TAPBPL: variants seen among roughly 807,000 people sequenced by gnomAD.
TAPBPL encodes the protein tapasin-related protein.
A neutral mutation model predicts 44.8 loss-of-function variants in TAPBPL; 32 were observed. The observed-to-expected ratio is 0.71, with a 90% confidence interval of 0.54 to 0.96. The LOEUF is 0.96. Ranked by LOEUF, TAPBPL falls within the 40% of genes least tolerant of loss-of-function variation. The pLI is 0.00. For missense variants in TAPBPL, 520 were observed against 586.6 expected, an observed-to-expected ratio of 0.89 and a Z score of 1.17; for synonymous variants, 230 against 240.7, an observed-to-expected ratio of 0.96 and a Z score of 0.41.
At chr12:6,470,860 C>A (rs1945758758), downstream of TAPBPL, 2 of 467,656 alleles carry the variant, frequency 4.3e-6, no homozygotes, top group Non-Finnish European at 7.8e-6. Flanking sequence ...GGAGCGGTTG[C>A]TGTGAGGATC....
At position 6,453,847 on chromosome 12, in the gene TAPBPL, G is replaced by A. The variant is rs553740524; in HGVS notation, c.565+131G>A. On this transcript the variant is annotated intron_variant, in intron 3 of 6. Transcript: ENST00000266556. This position sits in a 1 kb window ranked among gnomAD's most constrained non-coding sequence, Gnocchi z 4.8. ...AGCCTGGTCAACACGGTGAAACCCCGTCTCTACTAATACCAAAATTAGCCG... is the reference window on the plus strand; with the variant it reads ...AGCCTGGTCAACACGGTGAAACCCCATCTCTACTAATACCAAAATTAGCCG... 3.9e-5 allele frequency: 48 copies of A among 1,222,526 alleles called. No individual in the cohort carries two copies. Among genetic ancestry groups the A allele is most frequent in the Admixed American group, 1.2e-4 (4 of 34,200 alleles). 75.7% of individuals were successfully genotyped at this position (1,222,526 alleles called of 1,614,324 possible).
Position 6,453,618 on chromosome 12 carries a change from C to T in TAPBPL, c.467C>T (p.Ser156Phe), listed in dbSNP as rs1459613885. 3 of 1,614,006 alleles carry T rather than the reference C, an allele frequency of 1.9e-6. No homozygotes were observed. Among genetic ancestry groups the T allele is most frequent in the South Asian group, 2.2e-5 (2 of 91,096 alleles). The change falls in exon 3 of 7, where the codon TCC becomes TTC. Residue 156 changes from serine to phenylalanine, a missense_variant. Transcript: ENST00000266556. This position sits in a 1 kb window ranked among gnomAD's most constrained non-coding sequence, Gnocchi z 4.8. ...GTCTCTGGAGGGGGACCTAGCATCT[C>T]CTTGGTGATGAAGACTCCCAGGGTC... Reference protein sequence around the residue: ...MQVSGGGPSISLVMKTPRVTK... With the variant: ...MQVSGGGPSIFLVMKTPRVTK...
At chr12:6,470,541 A>T, downstream of TAPBPL, 1 of 1,613,996 alleles carries the variant, frequency 6.2e-7, no homozygotes, top group Non-Finnish European at 8.5e-7. Flanking sequence ...TTTTTCTGAC[A>T]GAGAGAGTGA....
rs2286722 is a variant in TAPBPL at position 6,453,310 on chromosome 12, C to T, written c.295+13C>T. The T allele has an allele frequency of 1.1e-4, 184 of 1,613,036 alleles. 1 individual carries two copies. The East Asian group carries it at 3.6e-3, about 32-fold the overall frequency. ...TTTGAGGCCTCAGGTAAAAGCCTTC[C>T]ACCTGTGTCCTTGGTCCTCCCGGGC... is the stretch of plus-strand genomic sequence containing the variant. On this transcript the variant is annotated intron_variant, in intron 2 of 6. Coordinates refer to ENST00000266556, the MANE Select transcript of TAPBPL (RefSeq NM_018009.5). This position sits in a 1 kb window ranked among gnomAD's most constrained non-coding sequence, Gnocchi z 4.8.
chr12:6,452,291 C>CT lies in TAPBPL; in HGVS notation c.44dup (p.Ser16IlefsTer40), dbSNP rs1949568949. The CT allele has an allele frequency of 7.6e-6, 12 of 1,575,310 alleles. No individual in the cohort carries two copies. The highest frequency in any genetic ancestry group is 1.3e-5 in the African/African-American group (1 of 74,688). ...CTGGTGCCTGCTGCTCTGCCTGGCTCTATCTGGAGCAGCAGAAACCAGTGA... is the reference window on the plus strand; with the variant it reads ...CTGGTGCCTGCTGCTCTGCCTGGCTCTTATCTGGAGCAGCAGAAACCAGTGA... On this transcript the variant is annotated frameshift_variant, in exon 1 of 7. Coordinates refer to ENST00000266556, the MANE Select transcript of TAPBPL (RefSeq NM_018009.5). LOFTEE classifies it high-confidence loss of function.
downstream of TAPBPL, among the ~76,000 whole-genome samples, chr12:6,471,416 A>G (rs10492096): frequency 0.15 from 23,294 of 151,978 alleles, 2,094 homozygotes; most frequent in Non-Finnish European, 0.21. This position sits in a 1 kb window ranked among gnomAD's most constrained non-coding sequence, Gnocchi z 4.0. Flanking sequence ...AATCTGCCAA[A>G]TCGAGTTGAT....
chr12:6,461,969 A>T, intron 6 of TAPBPL, 65 bp from the exon 7 acceptor site: 1 of 1,351,262 alleles, frequency 7.4e-7, no homozygotes, highest in Non-Finnish European at 1.0e-6. Flanking sequence ...GGCCTGAGGG[A>T]ACCTGTGCTT....
downstream of TAPBPL, chr12:6,470,880 T>C: frequency 2.6e-6 from 1 of 388,730 alleles, no homozygotes; most frequent in South Asian, 3.3e-5. Flanking sequence ...CCTTCAGTGA[T>C]CAATGCGACC....
chr12:6,463,534 G>A, downstream of TAPBPL: 4 of 1,044,838 alleles, frequency 3.8e-6, no homozygotes, highest in Non-Finnish European at 3.5e-6. This position sits in a 1 kb window ranked among gnomAD's most constrained non-coding sequence, Gnocchi z 4.0. Flanking sequence ...TCTTTAACGA[G>A]GGCAAGGAGT....
chr12:6,456,460 G>T (rs1388384900), intron 3 of TAPBPL, among the ~76,000 whole-genome samples: 1 of 151,042 alleles, frequency 6.6e-6, no homozygotes, highest in African/African-American at 2.4e-5. Context: ...CGCCTCCTGG[G>T]TTCAAGTGAT....
chr12:6,459,802 G>T (rs1481884392), intron 5 of TAPBPL, among the ~76,000 whole-genome samples: 1 of 150,496 alleles, frequency 6.6e-6, no homozygotes, highest in African/African-American at 2.4e-5. Flanking sequence ...ACAGAATCTT[G>T]CTCTGTTCCC....
chr12:6,465,358 G>A (rs1332692580), downstream of TAPBPL: 33 of 146,780 alleles, frequency 2.2e-4, 1 homozygote, highest in South Asian at 2.8e-4. Context: ...AAAGAAAAAA[G>A]TATATATATA....
At chr12:6,466,400 G>A (rs1302682294), downstream of TAPBPL, 8 of 1,580,498 alleles carry the variant, frequency 5.1e-6, no homozygotes, top group Non-Finnish European at 6.9e-6. Context: ...GACAAGAAAG[G>A]AGCTGGGCGT....
chr12:6,462,806 G>A (rs1363370190), downstream of TAPBPL: 1 of 1,597,786 alleles, frequency 6.3e-7, no homozygotes, highest in Non-Finnish European at 8.5e-7. Flanking sequence ...CCGTTGGGAG[G>A]GTACTGACTG....
At chr12:6,467,996 A>G (rs1289780727), downstream of TAPBPL, among the ~76,000 whole-genome samples, 1 of 152,246 alleles carries the variant, frequency 6.6e-6, no homozygotes, top group East Asian at 1.9e-4. Flanking sequence ...GTCCAGGCAA[A>G]AGTTTGCTGC....
chr12:6,458,316 C>T (rs534124504), intron 4 of TAPBPL, among the ~76,000 whole-genome samples: 2 of 150,878 alleles, frequency 1.3e-5, no homozygotes, highest in East Asian at 3.9e-4. Context: ...GTGGAGGTTG[C>T]GGTGAGCCAA....
chr12:6,463,349 A>C (rs1949929774), downstream of TAPBPL: 3 of 1,137,006 alleles, frequency 2.6e-6, no homozygotes, highest in East Asian at 6.1e-5. This position sits in a 1 kb window ranked among gnomAD's most constrained non-coding sequence, Gnocchi z 4.0. Flanking sequence ...GTGGGTCTAC[A>C]TGACTTCTCT....
intron 1 of TAPBPL, chr12:6,452,585 G>A (rs1949582726): frequency 2.2e-6 from 3 of 1,353,220 alleles, no homozygotes; most frequent in Non-Finnish European, 1.9e-6. Flanking sequence ...ACTGGCCTGG[G>A]AGCTGACACT....
At chr12:6,460,973 C>T in intron 6 of TAPBPL, 35 bp downstream of exon 6, 1 of 1,612,946 alleles carries the variant, frequency 6.2e-7, no homozygotes, top group South Asian at 1.1e-5. Flanking sequence ...CTGGCCCTGG[C>T]CCACCTCACC....
Sources: gnomAD v4.1 joint callset for allele counts (sites outside exome capture counted in the v4.1 genomes callset) on GRCh38, gnomAD v4.1.1 for gene constraint, Gnocchi (gnomAD v3.1) non-coding constraint, MANE v1.5 for transcripts, NCBI Gene and HGNC (gene_info 2026-07-23, HGNC 2026-07-21) for gene names.